The following PID1 variants were observed in gnomAD, a reference collection of about 807,000 sequenced individuals.
The protein encoded by PID1 is PTB-containing, cubilin and LRP1-interacting protein.
In PID1, 10 loss-of-function variants were observed where a neutral mutation model predicts 19.1. That is an observed-to-expected ratio of 0.52 (90% CI 0.32 to 0.89). The LOEUF is 0.89. Among genes scored for constraint, PID1 ranks in the 40% least tolerant of loss-of-function variants. PID1 has a pLI of 0.03. For synonymous variants in PID1, 130 were observed against 116.0 expected, an observed-to-expected ratio of 1.12 and a Z score of -0.78; for missense variants, 248 against 285.3, an observed-to-expected ratio of 0.87 and a Z score of 0.94.
intron 1 of PID1, among the ~76,000 whole-genome samples, chr2:229,215,125 G>T (rs374456353): frequency 1.3e-5 from 2 of 152,178 alleles, no homozygotes; most frequent in Admixed American, 1.3e-4. Flanking sequence ...CATCAGCATA[G>T]GCTTTATCCT....
intron 2 of PID1, among the ~76,000 whole-genome samples, chr2:229,088,890 A>C (rs767422791): frequency 1.9e-4 from 29 of 152,166 alleles, no homozygotes; most frequent in Admixed American, 6.5e-5. Flanking sequence ...TAAAAGCTAC[A>C]CAGTAGCTTA....
chr2:229,065,712 C>CAAAAAAAAA (rs71988256), intron 2 of PID1, among the ~76,000 whole-genome samples: 2 of 103,958 alleles, frequency 1.9e-5, no homozygotes, highest in Non-Finnish European at 3.5e-5. Context: ...TTGTGATTTA[C>CAAAAAAAAA]AAAAAAAAAA....
chr2:229,071,363 T>C (rs1242467375), intron 2 of PID1, among the ~76,000 whole-genome samples: 1 of 152,208 alleles, frequency 6.6e-6, no homozygotes, highest in East Asian at 1.9e-4. Context: ...CCAGGTGTTG[T>C]TGTTGGGGTT....
intron 1 of PID1, among the ~76,000 whole-genome samples, chr2:229,247,374 C>T (rs920512761): frequency 2.0e-5 from 3 of 152,150 alleles, no homozygotes; most frequent in African/African-American, 7.2e-5. Flanking sequence ...ATGACCATCA[C>T]ATTTATATTC....
rs548913513 is a variant in PID1 at position 229,204,181 on chromosome 2, T to C, written c.31-48217A>G. 4.7e-4 allele frequency among the ~76,000 whole-genome samples: 71 copies of C among 152,218 alleles called. 1 individual carries two copies. The South Asian group carries it at 5.6e-3, about 12-fold the overall frequency. The stretch of plus-strand genomic sequence containing the variant: ...GGCAAGAGGAGGTCAAGTCTATTTA[T>C]CTGTTGTTTATTGCTAGAGCTGCTG... On this transcript the variant is annotated intron_variant, in intron 1 of 2. Transcript: ENST00000392055.
intron 1 of PID1, among the ~76,000 whole-genome samples, chr2:229,162,953 C>T (rs1690519296): frequency 6.6e-6 from 1 of 151,950 alleles, no homozygotes; most frequent in South Asian, 2.1e-4. Flanking sequence ...GACATAAAAT[C>T]AAAATAAAAT....
At chr2:229,171,371 G>A (rs528841743) in intron 1 of PID1, among the ~76,000 whole-genome samples, 29 of 152,276 alleles carry the variant, frequency 1.9e-4, no homozygotes, top group Admixed American at 3.9e-4. Flanking sequence ...GCATTATGTC[G>A]CAAAGCCATC....
chr2:229,114,876 C>T (rs2106152692), intron 2 of PID1, among the ~76,000 whole-genome samples: 1 of 152,290 alleles, frequency 6.6e-6, no homozygotes, highest in Non-Finnish European at 1.5e-5. Flanking sequence ...TTTATTGGAT[C>T]TATAAAAGCC....
intron 1 of PID1, among the ~76,000 whole-genome samples, chr2:229,180,201 C>T (rs1300402871): frequency 6.6e-6 from 1 of 151,950 alleles, no homozygotes; most frequent in Non-Finnish European, 1.5e-5. Flanking sequence ...ATAAGGTACA[C>T]CTTAGGCAAT....
chr2:229,125,697 C>T (rs937926403), intron 2 of PID1, among the ~76,000 whole-genome samples: 5 of 152,152 alleles, frequency 3.3e-5, no homozygotes, highest in South Asian at 2.1e-4. Context: ...TGAGGATACA[C>T]GGTTTTGCTG....
At chr2:229,114,443 T>C (rs1695370002) in intron 2 of PID1, among the ~76,000 whole-genome samples, 2 of 152,150 alleles carry the variant, frequency 1.3e-5, no homozygotes, top group South Asian at 4.1e-4. Flanking sequence ...CCAGAGATTA[T>C]GCCCTGTAAT....
At chr2:229,103,119 C>A (rs182103531) in intron 2 of PID1, among the ~76,000 whole-genome samples, 2 of 152,200 alleles carry the variant, frequency 1.3e-5, no homozygotes, top group South Asian at 4.2e-4. Flanking sequence ...CATAAGATGG[C>A]CATATTTCTA....
chr2:229,134,231 G>GTTTTTTTTTTTTT lies in PID1; in HGVS notation c.177+21574_177+21586dup, dbSNP rs60513006. On this transcript the variant is annotated intron_variant, in intron 2 of 2. Transcript: ENST00000392055. ...TTCAATAACAATGTTTACTACCTGT[G>GTTTTTTTTTTTTT]TTTTTTTTTTTTTTTTTTTTTGAGA... 3.5e-4 allele frequency among the ~76,000 whole-genome samples: 38 copies of GTTTTTTTTTTTTT among 109,206 alleles called. 5 individuals carry two copies. Among genetic ancestry groups the GTTTTTTTTTTTTT allele is most frequent in the South Asian group, 1.2e-3 (3 of 2,536 alleles). 71.6% of individuals were successfully genotyped at this position (109,206 alleles called of 152,430 possible). A position where few individuals can be genotyped will look rare whatever the true frequency, so the allele number is the denominator to read the frequency against.
intron 2 of PID1, among the ~76,000 whole-genome samples, chr2:229,136,235 C>G (rs780042106): frequency 2.0e-4 from 30 of 152,070 alleles, no homozygotes; most frequent in Non-Finnish European, 3.8e-4. Context: ...GGAATTGGGT[C>G]CCACCAACAA....
chr2:229,213,295 C>T (rs1235837953), intron 1 of PID1, among the ~76,000 whole-genome samples: 3 of 152,204 alleles, frequency 2.0e-5, no homozygotes, highest in African/African-American at 4.8e-5. Context: ...CCTTGCCCTC[C>T]ACATCCAATG....
At chr2:229,110,903 G>A (rs2765937) in intron 2 of PID1, among the ~76,000 whole-genome samples, 55,296 of 151,858 alleles carry the variant, frequency 0.36, 11,518 homozygotes, top group Middle Eastern at 0.54. Context: ...GTCCCCACTC[G>A]AATCTCATCT....
intron 1 of PID1, among the ~76,000 whole-genome samples, chr2:229,179,028 T>G: frequency 6.6e-6 from 1 of 152,152 alleles, no homozygotes; most frequent in Non-Finnish European, 1.5e-5. Flanking sequence ...CTTTAACCAC[T>G]AACTCTTTCA....
At chr2:229,216,858 T>G (rs1691858031) in intron 1 of PID1, among the ~76,000 whole-genome samples, 2 of 152,118 alleles carry the variant, frequency 1.3e-5, no homozygotes, top group African/African-American at 4.8e-5. Flanking sequence ...AAAGGCACTT[T>G]AGAACTCTCA....
In PID1 at chr2:229,173,800, T is replaced by C. The variant is rs191833484; in HGVS notation, c.31-17836A>G. ...CCAAAGCCAAGGGAGAAAAGTGCAGTGGAATTAACACCCCCTGGAAGCCCC... is the reference window on the plus strand; with the variant it reads ...CCAAAGCCAAGGGAGAAAAGTGCAGCGGAATTAACACCCCCTGGAAGCCCC... On this transcript the variant is annotated intron_variant, in intron 1 of 2. Coordinates refer to ENST00000392055, the MANE Select transcript of PID1 (RefSeq NM_001100818.2). 1.7e-4 allele frequency among the ~76,000 whole-genome samples: 26 copies of C among 152,276 alleles called. 1 individual carries two copies. The East Asian group carries it at 3.7e-3, about 22-fold the overall frequency.
Sources: gnomAD v4.1 joint callset for allele counts (sites outside exome capture counted in the v4.1 genomes callset) on GRCh38, gnomAD v4.1.1 for gene constraint, MANE v1.5 for transcripts, NCBI Gene and HGNC (gene_info 2026-07-23, HGNC 2026-07-21) for gene names.